The following GIGYF2 variants were observed in gnomAD, a reference collection of about 807,000 sequenced individuals.
The protein encoded by GIGYF2 is GRB10-interacting GYF protein 2.
Under a neutral mutation model 208.1 loss-of-function variants are expected in GIGYF2, and 25 were observed. That is an observed-to-expected ratio of 0.12 (90% CI 0.09 to 0.17). The LOEUF is 0.17. Among genes scored for constraint, GIGYF2 ranks in the 10% least tolerant of loss-of-function variants. GIGYF2 has a pLI of 1.00. For synonymous variants in GIGYF2, 534 were observed against 543.8 expected, an observed-to-expected ratio of 0.98 and a Z score of 0.25; for missense variants, 1,302 against 1,579.4, an observed-to-expected ratio of 0.82 and a Z score of 2.98.
intron 8 of GIGYF2, among the ~76,000 whole-genome samples, chr2:232,786,791 A>T (rs562279050): frequency 6.6e-6 from 1 of 152,186 alleles, no homozygotes; most frequent in Non-Finnish European, 1.5e-5. Flanking sequence ...CTATGTATAC[A>T]TGTGTAAGTG....
intron 3 of GIGYF2, among the ~76,000 whole-genome samples, chr2:232,744,520 G>GTTTT (rs980581554): frequency 1.3e-5 from 2 of 149,238 alleles, no homozygotes; most frequent in African/African-American, 4.9e-5. Context: ...GAAAGATTGT[G>GTTTT]TTTTTTTTTC....
At chr2:232,729,298 A>C (rs901013044) in intron 2 of GIGYF2, among the ~76,000 whole-genome samples, 2 of 152,146 alleles carry the variant, frequency 1.3e-5, no homozygotes, top group Admixed American at 6.6e-5. Flanking sequence ...TGTTTTCTAA[A>C]GGTTACAAGT....
intron 21 of GIGYF2, among the ~76,000 whole-genome samples, chr2:232,822,261 A>T (rs1466989226): frequency 9.2e-5 from 14 of 152,162 alleles, no homozygotes; most frequent in Admixed American, 9.2e-4. Context: ...ACATGGTATA[A>T]CTTTCCATTT....
intron 27 of GIGYF2, among the ~76,000 whole-genome samples, chr2:232,849,648 CT>C (rs1263892414): frequency 6.6e-6 from 1 of 152,214 alleles, no homozygotes; most frequent in Non-Finnish European, 1.5e-5. Context: ...TTTTCCACTT[CT>C]CCCCCACTAC....
chr2:232,723,008 G>T (rs989844893), intron 2 of GIGYF2, among the ~76,000 whole-genome samples: 1 of 152,048 alleles, frequency 6.6e-6, no homozygotes, highest in African/African-American at 2.4e-5. Flanking sequence ...GTTTTGTAGA[G>T]ACAGGATCTT....
chr2:232,794,396 T>G (rs1262259544), intron 12 of GIGYF2, among the ~76,000 whole-genome samples: 1 of 152,204 alleles, frequency 6.6e-6, no homozygotes, highest in African/African-American at 2.4e-5. Flanking sequence ...TCAGAAGATT[T>G]AGGGTGCATT....
At position 232,790,801 on chromosome 2, in the gene GIGYF2, C is replaced by A. The variant is rs775593458; in HGVS notation, c.816C>A (p.Arg272=). The A allele has an allele frequency of 1.2e-6, 2 of 1,614,068 alleles. No individual in the cohort carries two copies. The highest frequency in any genetic ancestry group is 3.3e-5 in the Admixed American group (2 of 60,010). Residue 272 remains arginine, a synonymous_variant, in exon 10 of 29, where the codon CGC becomes CGA. Coordinates refer to ENST00000373563, the MANE Select transcript of GIGYF2 (RefSeq NM_001103146.3). ...RDDERGYRRV[R]SGSGSIDDDR... ...ATGAACGGGGTTACCGAAGGGTTCGCTCTGGCAGTGGGAGCATAGATGATG... is the reference window on the plus strand; with the variant it reads ...ATGAACGGGGTTACCGAAGGGTTCGATCTGGCAGTGGGAGCATAGATGATG...
chr2:232,749,325 TACTC>T (rs1398489657), intron 5 of GIGYF2, among the ~76,000 whole-genome samples: 9 of 152,188 alleles, frequency 5.9e-5, no homozygotes, highest in Admixed American at 3.3e-4. Flanking sequence ...CTTTAAAACT[TACTC>T]AAGTAGAGAG....
At chr2:232,745,630 T>C (rs1204671571) in intron 3 of GIGYF2, among the ~76,000 whole-genome samples, 1 of 152,236 alleles carries the variant, frequency 6.6e-6, no homozygotes, top group Admixed American at 6.5e-5. Context: ...ATTTGGTAAC[T>C]ATACCAGGTA....
chr2:232,815,450 A>G (rs1444571401), intron 18 of GIGYF2, among the ~76,000 whole-genome samples, 187 bp from the exon 19 acceptor site: 1 of 152,198 alleles, frequency 6.6e-6, no homozygotes, highest in Non-Finnish European at 1.5e-5. Context: ...CCTTCATTCT[A>G]GATGTGTTGA....
chr2:232,743,215 T>C (rs1336946819), intron 3 of GIGYF2, among the ~76,000 whole-genome samples: 1 of 152,104 alleles, frequency 6.6e-6, no homozygotes, highest in African/African-American at 2.4e-5. Flanking sequence ...CCAGGCACAC[T>C]GCGTTTTGAA....
chr2:232,728,667 G>T (rs2106285084), intron 2 of GIGYF2, among the ~76,000 whole-genome samples: 1 of 152,248 alleles, frequency 6.6e-6, no homozygotes, highest in African/African-American at 2.4e-5. Flanking sequence ...CCCAGCTAGT[G>T]GCCGGTTACA....
At chr2:232,847,215 C>T (rs1044292409) in intron 26 of GIGYF2, 133 bp from the exon 27 acceptor site, 16 of 861,110 alleles carry the variant, frequency 1.9e-5, no homozygotes, top group African/African-American at 1.3e-4. Context: ...AACACAATTG[C>T]TGCATACTTA....
chr2:232,745,049 C>A (rs892702103), intron 3 of GIGYF2, among the ~76,000 whole-genome samples: 3 of 152,124 alleles, frequency 2.0e-5, no homozygotes, highest in Non-Finnish European at 2.9e-5. Context: ...AAGAGCCCAA[C>A]TTTACAGGAA....
chr2:232,855,706 AG>A (rs1482191156), intron 28 of GIGYF2, among the ~76,000 whole-genome samples: 1 of 152,148 alleles, frequency 6.6e-6, no homozygotes, highest in East Asian at 1.9e-4. Context: ...TGAGGTTTAA[AG>A]GGGTATTAAT....
At chr2:232,758,560 A>C (rs984552107) in intron 6 of GIGYF2, among the ~76,000 whole-genome samples, 1 of 152,188 alleles carries the variant, frequency 6.6e-6, no homozygotes, top group Non-Finnish European at 1.5e-5. Flanking sequence ...ACTTTATAGA[A>C]GATTAAAATT....
In GIGYF2 at chr2:232,700,084, C is replaced by T. The variant is rs112261132; in HGVS notation, c.-110+2692C>T. Among the ~76,000 whole-genome samples the T allele has an allele frequency of 5.7e-3, 871 of 152,170 alleles. 3 individuals are homozygous for T. Among genetic ancestry groups the T allele is most frequent in the African/African-American group, 0.02 (830 of 41,492 alleles). On this transcript the variant is annotated intron_variant, in intron 1 of 28. Coordinates refer to ENST00000373563, the MANE Select transcript of GIGYF2 (RefSeq NM_001103146.3). The stretch of plus-strand genomic sequence containing the variant: ...ATTTTAATATTTTGGTTTTGAAATG[C>T]TTTTGCTGGTGAGATGCATATGTGA...
chr2:232,809,936 G>T, intron 16 of GIGYF2, 125 bp downstream of exon 16: 1 of 711,094 alleles, frequency 1.4e-6, no homozygotes, highest in East Asian at 2.6e-5. Context: ...CAGTCACCCA[G>T]CTAGTGGCGT....
intron 27 of GIGYF2, among the ~76,000 whole-genome samples, chr2:232,849,260 G>A (rs1398339013): frequency 6.6e-6 from 1 of 152,118 alleles, no homozygotes; most frequent in Non-Finnish European, 1.5e-5. Context: ...CAACTCCCGG[G>A]TTCAAGCAAT....
Sources: gnomAD v4.1 joint callset for allele counts (sites outside exome capture counted in the v4.1 genomes callset) on GRCh38, gnomAD v4.1.1 for gene constraint, MANE v1.5 for transcripts, NCBI Gene and HGNC (gene_info 2026-07-23, HGNC 2026-07-21) for gene names.